ZZZ3: variants seen among roughly 807,000 people sequenced by gnomAD.
The protein encoded by ZZZ3 is ZZ-type zinc finger-containing protein 3.
ZZZ3 carries 22 observed loss-of-function variants against 95.2 expected under a neutral mutation model. The ratio of observed to expected loss-of-function variants is 0.23; its 90% CI spans 0.17 to 0.33. The LOEUF (loss-of-function observed/expected upper bound fraction) is 0.33. Ranked by LOEUF, ZZZ3 falls within the 10% of genes least tolerant of loss-of-function variation. The pLI, the probability that ZZZ3 is intolerant of heterozygous loss-of-function variation, is 1.00. For missense variants in ZZZ3, 885 were observed against 1,066.5 expected (o/e 0.83, Z 2.37); for synonymous variants, 335 against 358.9 (o/e 0.93, Z 0.75).
chr1:77,580,922 G>C, intron 9 of ZZZ3, 76 bp downstream of exon 9: 1 of 1,245,366 alleles, frequency 8.0e-7, no homozygotes, highest in Non-Finnish European at 1.2e-6. Context: ...CACTGGACCT[G>C]GCCTCATAAT....
intron 5 of ZZZ3, among the ~76,000 whole-genome samples, chr1:77,622,698 T>C (rs917109630): frequency 1.5e-4 from 23 of 152,174 alleles, no homozygotes; most frequent in Admixed American, 6.5e-4. Context: ...CTTTTACCCA[T>C]CCTCAAGAAC....
intron 11 of ZZZ3, among the ~76,000 whole-genome samples, chr1:77,578,059 G>A (rs1662142597): frequency 6.6e-6 from 1 of 152,018 alleles, no homozygotes; most frequent in African/African-American, 2.4e-5. Context: ...TAGCAGCTAA[G>A]CAACTAGATA....
chr1:77,654,085 G>C (rs952568686), intron 1 of ZZZ3, among the ~76,000 whole-genome samples: 1 of 151,688 alleles, frequency 6.6e-6, no homozygotes, highest in Non-Finnish European at 1.5e-5. Context: ...CTACTTGGGA[G>C]GCTGAGGCAG....
rs186085297 is a variant in ZZZ3, at chr1:77,581,844, C to T, written c.1840G>A (p.Gly614Arg). The T allele has an allele frequency of 1.1e-5, 17 of 1,614,056 alleles. No individual in the cohort carries two copies. The highest frequency in any genetic ancestry group is 1.4e-5 in the Non-Finnish European group (16 of 1,179,956). Residue 614 changes from glycine to arginine, a missense_variant, in exon 8 of 15, where the codon GGA (glycine) becomes AGA (arginine). Transcript: ENST00000370801. ...AACATAGAATATGAAAGGGACTCTC[C>T]ATCCTTCTTAGGATCTAAAGGACTT... is the stretch of plus-strand genomic sequence containing the variant. ...PKSPLDPKKD[G>R]ESLSYSMLPL...
At chr1:77,607,620 G>A (rs1020636810) in intron 5 of ZZZ3, among the ~76,000 whole-genome samples, 1 of 152,130 alleles carries the variant, frequency 6.6e-6, no homozygotes, top group Non-Finnish European at 1.5e-5. Flanking sequence ...CTTTAAGACA[G>A]GCTATTTGAA....
intron 5 of ZZZ3, among the ~76,000 whole-genome samples, chr1:77,599,992 C>G (rs1664578817): frequency 6.6e-6 from 1 of 152,042 alleles, no homozygotes; most frequent in African/African-American, 2.4e-5. Flanking sequence ...CATCAACAAT[C>G]CTGAAAATAT....
chr1:77,590,778 C>T (rs1187136802), intron 5 of ZZZ3, among the ~76,000 whole-genome samples: 1 of 152,186 alleles, frequency 6.6e-6, no homozygotes, highest in Non-Finnish European at 1.5e-5. Context: ...TAAAGTTATA[C>T]AGGGAAATGC....
At chr1:77,601,800 G>C (rs1664759678) in intron 5 of ZZZ3, among the ~76,000 whole-genome samples, 1 of 152,110 alleles carries the variant, frequency 6.6e-6, no homozygotes, top group South Asian at 2.1e-4. Flanking sequence ...TCACTTTATA[G>C]ATTAGGAAAC....
chr1:77,619,584 A>G (rs1257069293), intron 5 of ZZZ3, among the ~76,000 whole-genome samples: 1 of 152,168 alleles, frequency 6.6e-6, no homozygotes, highest in Non-Finnish European at 1.5e-5. Flanking sequence ...AATCATATAA[A>G]ACATTCTGAT....
chr1:77,575,677 T>C (rs974809586), intron 12 of ZZZ3, among the ~76,000 whole-genome samples: 2 of 152,210 alleles, frequency 1.3e-5, no homozygotes, highest in African/African-American at 4.8e-5. Flanking sequence ...ATGGGCTTTA[T>C]TTGGATCCAA....
Position 77,662,629 on chromosome 1 carries a change from A to T in ZZZ3, c.-403+19956T>A, listed in dbSNP as rs557070700. ...TGGCCTAATCTCTTAAAAAATGTCA[A>T]GAAATTTGAGGCCAGGCCGGACATG... On this transcript the variant is annotated intron_variant, in intron 1 of 14. Transcript: ENST00000370801. Among the ~76,000 whole-genome samples, 42 of 152,288 alleles carry T rather than the reference A, an allele frequency of 2.8e-4. 1 individual carries two copies. Among genetic ancestry groups the T allele is most frequent in the Admixed American group, 1.3e-3 (20 of 15,300 alleles).
intron 5 of ZZZ3, among the ~76,000 whole-genome samples, chr1:77,590,408 T>A (rs1480138343): frequency 6.6e-6 from 1 of 152,176 alleles, no homozygotes; most frequent in Non-Finnish European, 1.5e-5. Context: ...TATTTTACAA[T>A]AGGAGTCTAA....
chr1:77,604,174 G>C (rs1486586440), intron 5 of ZZZ3, among the ~76,000 whole-genome samples: 1 of 152,098 alleles, frequency 6.6e-6, no homozygotes, highest in Non-Finnish European at 1.5e-5. Flanking sequence ...ATTGTAGTGG[G>C]ACGCCGTTTT....
At chr1:77,629,889 G>C (rs1667638535) in intron 5 of ZZZ3, among the ~76,000 whole-genome samples, 1 of 152,000 alleles carries the variant, frequency 6.6e-6, no homozygotes. Context: ...ATCCTCAAAG[G>C]GTTATGAATG....
At position 77,563,466 on chromosome 1, in the gene ZZZ3, C is replaced by T. The variant is rs1445455423; in HGVS notation, c.*2174G>A. ...AAACAAACACATCTTCTGCTCAAGC[C>T]GAAAAATCTTCTTAACTCAAAAATC... is the stretch of plus-strand genomic sequence containing the variant. On this transcript the variant is annotated 3_prime_UTR_variant, in exon 15 of 15. Coordinates refer to ENST00000370801, the MANE Select transcript of ZZZ3 (RefSeq NM_015534.6). The T allele has an allele frequency of 3.9e-5, 6 of 152,112 alleles. No homozygotes were observed. The highest frequency in any genetic ancestry group is 2.6e-4 in the Admixed American group (4 of 15,272). The allele number at this position is 152,112 out of a possible 1,614,324, so 9.4% of individuals were successfully genotyped here. A position where few individuals can be genotyped will look rare whatever the true frequency, so the allele number is the denominator to read the frequency against.
At chr1:77,577,742 G>A (rs1329838655) in intron 11 of ZZZ3, among the ~76,000 whole-genome samples, 1 of 152,044 alleles carries the variant, frequency 6.6e-6, no homozygotes, top group East Asian at 1.9e-4. Context: ...GCGATTACAA[G>A]AACGAACAGC....
intron 1 of ZZZ3, among the ~76,000 whole-genome samples, chr1:77,657,066 C>T (rs534708664): frequency 1.3e-5 from 2 of 152,124 alleles, no homozygotes; most frequent in African/African-American, 4.8e-5. Flanking sequence ...CTGAAACCTC[C>T]GCCTCCCGGG....
chr1:77,656,431 C>T (rs1670272646), intron 1 of ZZZ3, among the ~76,000 whole-genome samples: 1 of 151,884 alleles, frequency 6.6e-6, no homozygotes, highest in Non-Finnish European at 1.5e-5. Context: ...TGGTTTCTGT[C>T]AACACAACAA....
Position 77,568,342 on chromosome 1 carries a change from A to C in ZZZ3, c.2456T>G (p.Val819Gly). 1.9e-6 allele frequency: 3 copies of C among 1,584,230 alleles called. No homozygotes were observed. Among genetic ancestry groups the C allele is most frequent in the South Asian group, 2.4e-5 (2 of 84,524 alleles). Residue 819 changes from valine (V) to glycine (G), a missense_variant, in exon 13 of 15, where the codon GTG becomes GGG. By Grantham distance (109) the Val-to-Gly change is moderately radical (BLOSUM62 -3). Transcript: ENST00000370801. The stretch of plus-strand genomic sequence containing the variant: ...TTAAATAGAACTTACCTTAAAGCCC[A>C]CATGTTGCACAAATCCACTTTCAGC... ...MQAESGFVQH[V>G]GFKCDNCGIE...
Sources: gnomAD v4.1 joint callset for allele counts (sites outside exome capture counted in the v4.1 genomes callset) on GRCh38, gnomAD v4.1.1 for gene constraint, MANE v1.5 for transcripts, NCBI Gene and HGNC (gene_info 2026-07-23, HGNC 2026-07-21) for gene names.